FN3KRP: variants seen among roughly 807,000 people sequenced by gnomAD.
FN3KRP encodes ketosamine-3-kinase.
A neutral mutation model predicts 29.8 loss-of-function variants in FN3KRP; 33 were observed. The observed-to-expected ratio is 1.11, with a 90% CI of 0.84 to 1.48. The LOEUF (loss-of-function observed/expected upper bound fraction) is 1.48. FN3KRP is among the 40% of genes most tolerant of loss of function. The pLI is 0.00. For synonymous variants in FN3KRP, 157 were observed against 155.2 expected (o/e 1.01, Z -0.09); for missense variants, 430 against 402.6 (o/e 1.07, Z -0.58).
In FN3KRP at chr17:82,716,877, A is replaced by C; in HGVS notation, c.122A>C (p.Lys41Thr). The change falls in exon 1 of 6, where the codon AAA becomes ACA. Residue 41 changes from lysine (K) to threonine (T), a missense_variant. Transcript: ENST00000269373. Reference sequence around the variant, plus strand: ...ACGGATCAAGGACGAGTGTTCGTGAAAGTGAACCCCAAGGCGGAGGTCAGG... The same window carrying C: ...ACGGATCAAGGACGAGTGTTCGTGACAGTGAACCCCAAGGCGGAGGTCAGG... ...YDTDQGRVFV[K>T]VNPKAEARRM... 1 of 1,567,418 alleles carries C rather than the reference A, an allele frequency of 6.4e-7. No homozygotes were observed. Among genetic ancestry groups the C allele is most frequent in the South Asian group, 1.2e-5 (1 of 86,100 alleles).
intron 2 of FN3KRP, among the ~76,000 whole-genome samples, chr17:82,719,421 A>G (rs957107243): frequency 1.3e-5 from 2 of 152,282 alleles, no homozygotes; most frequent in African/African-American, 2.4e-5. Context: ...AACCAAGGGC[A>G]GAAGCAAGAG....
chr17:82,723,482 G>T (rs773557175), intron 4 of FN3KRP, among the ~76,000 whole-genome samples: 3 of 151,708 alleles, frequency 2.0e-5, no homozygotes, highest in Non-Finnish European at 4.4e-5. Flanking sequence ...CCTTCGTCTC[G>T]TGGCTGTACT....
At chr17:82,719,412 A>G (rs1299455255) in intron 2 of FN3KRP, among the ~76,000 whole-genome samples, 1 of 152,272 alleles carries the variant, frequency 6.6e-6, no homozygotes, top group Non-Finnish European at 1.5e-5. Context: ...ACTCTCTGCA[A>G]CCAAGGGCAG....
chr17:82,722,948 G>T, intron 4 of FN3KRP, 62 bp downstream of exon 4: 1 of 1,417,750 alleles, frequency 7.1e-7, no homozygotes, highest in Non-Finnish European at 9.8e-7. Flanking sequence ...ACACGGGTTG[G>T]GGGGACACAC....
chr17:82,718,377 G>A (rs1051655231), intron 1 of FN3KRP: 1 of 984,972 alleles, frequency 1.0e-6, no homozygotes, highest in Non-Finnish European at 1.2e-6. Context: ...GATGGAAACG[G>A]CATCTCAAGA....
Position 82,722,897 on chromosome 17 carries a change from G to A in FN3KRP, c.468+11G>A, listed in dbSNP as rs1460625799. ...GGATACCTCCCCCAGGTGAGTGCAC[G>A]GCGTTTGCTTCTATTTCACAATCAG... On this transcript the variant is annotated intron_variant, in intron 4 of 5. Coordinates refer to ENST00000269373, the MANE Select transcript of FN3KRP (RefSeq NM_024619.4). The A allele has an allele frequency of 2.5e-6, 4 of 1,612,212 alleles. No homozygotes were observed. The highest frequency in any genetic ancestry group is 1.1e-5 in the South Asian group (1 of 90,958).
chr17:82,727,114 T>C lies in FN3KRP; in HGVS notation c.873T>C (p.His291=), dbSNP rs1393837536. 1.9e-6 allele frequency: 3 copies of C among 1,614,092 alleles called. No individual in the cohort carries two copies. Among genetic ancestry groups the C allele is most frequent in the Non-Finnish European group, 2.5e-6 (3 of 1,180,006 alleles). ...TTCACTACTTGAACCACTGGAATCA[T>C]TTTGGATCGGGGTACAGAGGATCCT... ...QLFHYLNHWN[H]FGSGYRGSSL... The change falls in exon 6 of 6, where the codon CAT becomes CAC. Residue 291 remains histidine, a synonymous_variant. Coordinates refer to ENST00000269373, the MANE Select transcript of FN3KRP (RefSeq NM_024619.4).
chr17:82,726,423 G>C, intron 4 of FN3KRP, 57 bp from the exon 5 acceptor site: 1 of 1,580,746 alleles, frequency 6.3e-7, no homozygotes, highest in East Asian at 2.3e-5. Flanking sequence ...GGGTAGCTGA[G>C]CTCTCCCTTG....
At chr17:82,721,606 C>T (rs994399029) in intron 3 of FN3KRP, among the ~76,000 whole-genome samples, 1 of 147,120 alleles carries the variant, frequency 6.8e-6, no homozygotes, top group African/African-American at 2.5e-5. Context: ...GGGTCCACGC[C>T]ATTCTCCTGC....
At chr17:82,722,320 A>G (rs1178117685) in intron 3 of FN3KRP, among the ~76,000 whole-genome samples, 1 of 152,190 alleles carries the variant, frequency 6.6e-6, no homozygotes, top group African/African-American at 2.4e-5. Flanking sequence ...TGTTCAGTAG[A>G]GACAGGGTTT....
At chr17:82,725,177 G>T (rs1488145365) in intron 4 of FN3KRP, among the ~76,000 whole-genome samples, 1 of 151,996 alleles carries the variant, frequency 6.6e-6, no homozygotes, top group Admixed American at 6.6e-5. Flanking sequence ...GCCCAGGCTG[G>T]AGAGCAGTGG....
In FN3KRP at chr17:82,717,116, G is replaced by C. The variant is rs1054239617; in HGVS notation, c.141+220G>C. ...CGTCCGGAGGAGTTTGCACCTGCGG[G>C]GAACTGTCCGGAGCAGGAACCGCGG... On this transcript the variant is annotated intron_variant, in intron 1 of 5. Coordinates refer to ENST00000269373, the MANE Select transcript of FN3KRP (RefSeq NM_024619.4). Among the ~76,000 whole-genome samples the C allele has an allele frequency of 6.1e-4, 93 of 152,022 alleles. 1 individual carries two copies. Among genetic ancestry groups the C allele is most frequent in the Non-Finnish European group, 1.9e-4 (13 of 67,984 alleles).
chr17:82,723,666 C>T (rs1010819446), intron 4 of FN3KRP, among the ~76,000 whole-genome samples: 14 of 151,454 alleles, frequency 9.2e-5, no homozygotes, highest in East Asian at 5.8e-4. Flanking sequence ...CGCGTGTGCG[C>T]GCACATGTAT....
At chr17:82,719,939 C>T (rs768112961) in intron 2 of FN3KRP, among the ~76,000 whole-genome samples, 1 of 152,126 alleles carries the variant, frequency 6.6e-6, no homozygotes, top group Non-Finnish European at 1.5e-5. Flanking sequence ...CCAAGGTGGG[C>T]GGATGACTTG....
At position 82,718,141 on chromosome 17, in the gene FN3KRP, ATGTGTTGTGTG is replaced by A. The variant is rs1006747963; in HGVS notation, c.142-752_142-742del. Among the ~76,000 whole-genome samples, 18 of 128,408 alleles carry A rather than the reference ATGTGTTGTGTG, an allele frequency of 1.4e-4. 1 individual carries two copies. Among genetic ancestry groups the A allele is most frequent in the Admixed American group, 1.6e-4 (2 of 12,444 alleles). 84.2% of individuals were successfully genotyped at this position (128,408 alleles called of 152,430 possible). A position where few individuals can be genotyped will look rare whatever the true frequency, so the allele number is the denominator to read the frequency against. On this transcript the variant is annotated intron_variant, in intron 1 of 5. Transcript: ENST00000269373. ...TATGTTGTGTGTGTTGTGTGTCTGT[ATGTGTTGTGTG>A]TGTGTTGTGTGTCTGTATATGTTGT...
chr17:82,724,816 A>ATTTTTTTTTTTTTTTT (rs1048853355), intron 4 of FN3KRP, among the ~76,000 whole-genome samples: 7 of 149,672 alleles, frequency 4.7e-5, no homozygotes, highest in African/African-American at 1.7e-4. Context: ...CAAAAAAAAA[A>ATTTTTTTTTTTTTTTT]TTTTTTTTTT....
At chr17:82,717,094 C>T (rs2143601728) in intron 1 of FN3KRP, among the ~76,000 whole-genome samples, 198 bp downstream of exon 1, 1 of 152,174 alleles carries the variant, frequency 6.6e-6, no homozygotes, top group African/African-American at 2.4e-5. Flanking sequence ...TCCGGGGCGT[C>T]CGGAGGAGTT....
intron 1 of FN3KRP, 38 bp downstream of exon 1, chr17:82,716,934 C>T: frequency 1.3e-6 from 2 of 1,555,512 alleles, no homozygotes; most frequent in Non-Finnish European, 8.6e-7. Flanking sequence ...GGACCGGTTT[C>T]TTTCCGGAGA....
intron 1 of FN3KRP, among the ~76,000 whole-genome samples, chr17:82,717,520 C>T (rs1023113347): frequency 6.9e-6 from 1 of 144,078 alleles, no homozygotes; most frequent in Non-Finnish European, 1.5e-5. Context: ...GAGTTCGAGA[C>T]CAGCCTGGCC....
Sources: allele counts gnomAD v4.1 joint callset (sites outside exome capture counted in the v4.1 genomes callset), GRCh38; gene constraint gnomAD v4.1.1; transcripts MANE v1.5; gene names NCBI Gene and HGNC (gene_info 2026-07-23, HGNC 2026-07-21).